Variants in GPC6 observed in about 807,000 individuals in gnomAD.
The protein encoded by GPC6 is glypican 6, also known as glypican-6.
A neutral mutation model predicts 55.2 loss-of-function variants in GPC6; 14 were observed. The observed-to-expected ratio is 0.25, with a 90% CI of 0.17 to 0.40. GPC6 has a LOEUF of 0.40. Among genes scored for constraint, GPC6 ranks in the 10% least tolerant of loss-of-function variants. The probability of loss-of-function intolerance (pLI) is 1.00; values close to 1 mark genes in which losing one functional copy is unlikely to be tolerated. For synonymous variants in GPC6, 278 were observed against 259.6 expected (o/e 1.07, Z -0.68); for missense variants, 641 against 708.5 (o/e 0.90, Z 1.08).
chr13:93,587,078 T>TTGCTTGCAC (rs1320357734), intron 2 of GPC6, among the ~76,000 whole-genome samples: 1 of 152,210 alleles, frequency 6.6e-6, no homozygotes, highest in Non-Finnish European at 1.5e-5. Flanking sequence ...GTGATTTAAA[T>TTGCTTGCAC]TGCTTGCACT....
At chr13:93,606,867 C>A (rs551324851) in intron 2 of GPC6, among the ~76,000 whole-genome samples, 1 of 152,236 alleles carries the variant, frequency 6.6e-6, no homozygotes, top group East Asian at 1.9e-4. Flanking sequence ...CTCTAAATGA[C>A]CCATTTTACA....
At chr13:93,438,461 G>T (rs1877656054) in intron 1 of GPC6, among the ~76,000 whole-genome samples, 1 of 152,118 alleles carries the variant, frequency 6.6e-6, no homozygotes, top group Non-Finnish European at 1.5e-5. Context: ...ACAGGAGTTT[G>T]GAAGAAGTTG....
chr13:93,661,890 T>A (rs1880936541), intron 2 of GPC6, among the ~76,000 whole-genome samples: 1 of 152,264 alleles, frequency 6.6e-6, no homozygotes, highest in South Asian at 2.1e-4. Context: ...TGAGGGGCAC[T>A]ATATGTTTCA....
At chr13:94,144,283 T>C (rs910813633) in intron 4 of GPC6, among the ~76,000 whole-genome samples, 5 of 152,038 alleles carry the variant, frequency 3.3e-5, no homozygotes, top group African/African-American at 1.2e-4. Context: ...AGTCATTATC[T>C]TTTTCCAATT....
chr13:93,576,035 A>T (rs1324911593), intron 2 of GPC6, among the ~76,000 whole-genome samples: 1 of 152,116 alleles, frequency 6.6e-6, no homozygotes, highest in Non-Finnish European at 1.5e-5. Context: ...TTATTTTTGG[A>T]ATCAAGACTT....
rs1393292861 is a variant in GPC6 at position 94,078,658 on chromosome 13, A to G, written c.877+50764A>G. ...GATGTCCTAGAAAGAAAATGAATAA[A>G]TTTCTGGATACATACAACCTACCGA... On this transcript the variant is annotated intron_variant, in intron 4 of 8. Transcript: ENST00000377047. Among the ~76,000 whole-genome samples, 3 of 151,946 alleles carry G rather than the reference A, an allele frequency of 2.0e-5. No individual in the cohort carries two copies. The East Asian group carries it at 5.8e-4, about 29-fold the overall frequency.
At chr13:94,245,414 T>G (rs557928867) in intron 4 of GPC6, among the ~76,000 whole-genome samples, 23 of 151,314 alleles carry the variant, frequency 1.5e-4, no homozygotes, top group African/African-American at 5.3e-4. Context: ...AAAAAAAAAT[T>G]TAAAAGCTAG....
rs575821539 is a variant in GPC6 at position 94,034,200 on chromosome 13, AGAAGGAAGGAAGGAAG to A, written c.877+6342_877+6357del. ...ACTACTTGCTGAGAGAAAGAAAGAA[AGAAGGAAGGAAGGAAG>A]GAAGGAAGGAAGGAAGGAAGGAAGG... On this transcript the variant is annotated intron_variant, in intron 4 of 8. Coordinates refer to ENST00000377047, the MANE Select transcript of GPC6 (RefSeq NM_005708.5). Among the ~76,000 whole-genome samples the A allele has an allele frequency of 1.5e-3, 108 of 72,730 alleles. 1 individual carries two copies. The highest frequency in any genetic ancestry group is 3.2e-3 in the African/African-American group (94 of 29,472). 47.7% of individuals were successfully genotyped at this position (72,730 alleles called of 152,430 possible).
chr13:93,611,488 G>C (rs758276820), intron 2 of GPC6, among the ~76,000 whole-genome samples: 3 of 152,038 alleles, frequency 2.0e-5, no homozygotes, highest in African/African-American at 4.8e-5. Context: ...TCAGTACAGA[G>C]CCATAAATTA....
chr13:93,377,508 G>T (rs1457965840), intron 1 of GPC6, among the ~76,000 whole-genome samples: 1 of 152,190 alleles, frequency 6.6e-6, no homozygotes, highest in Non-Finnish European at 1.5e-5. Context: ...AAAGGTTCAG[G>T]GTGGAAAGGA....
At chr13:93,816,996 C>T (rs1886876320) in intron 2 of GPC6, among the ~76,000 whole-genome samples, 1 of 152,172 alleles carries the variant, frequency 6.6e-6, no homozygotes, top group Admixed American at 6.5e-5. Context: ...ATTGTGCCTA[C>T]TCACAATTGT....
chr13:93,782,330 C>T (rs1397301653), intron 2 of GPC6, among the ~76,000 whole-genome samples: 3 of 152,120 alleles, frequency 2.0e-5, no homozygotes, highest in South Asian at 2.1e-4. Flanking sequence ...ATCCATTCAT[C>T]GTTACTAGAC....
chr13:93,471,683 G>T (rs1220264724), intron 1 of GPC6, among the ~76,000 whole-genome samples: 1 of 136,684 alleles, frequency 7.3e-6, no homozygotes, highest in Non-Finnish European at 1.6e-5. Flanking sequence ...TGTTTAATGG[G>T]AATTTTATGT....
At chr13:94,169,726 G>A (rs1888492857) in intron 4 of GPC6, among the ~76,000 whole-genome samples, 1 of 151,954 alleles carries the variant, frequency 6.6e-6, no homozygotes, top group South Asian at 2.1e-4. Context: ...TGGTTGATTG[G>A]GCTAAGGGTC....
At chr13:93,536,649 C>A (rs1277315568) in intron 1 of GPC6, among the ~76,000 whole-genome samples, 2 of 152,108 alleles carry the variant, frequency 1.3e-5, no homozygotes, top group Non-Finnish European at 2.9e-5. Context: ...TTGTTTCAAC[C>A]TTTTGGTTAT....
chr13:93,523,264 A>G (rs1166865008), intron 1 of GPC6, among the ~76,000 whole-genome samples: 3 of 150,492 alleles, frequency 2.0e-5, no homozygotes, highest in Non-Finnish European at 4.4e-5. Flanking sequence ...TATGGATAAT[A>G]TTGTGTATAT....
chr13:94,269,493 A>C (rs1891924657), intron 4 of GPC6, among the ~76,000 whole-genome samples: 1 of 152,196 alleles, frequency 6.6e-6, no homozygotes, highest in Non-Finnish European at 1.5e-5. Flanking sequence ...CTAGAAGTAA[A>C]GGTCAAGTAT....
intron 6 of GPC6, among the ~76,000 whole-genome samples, chr13:94,349,736 C>G (rs1594194748): frequency 6.6e-6 from 1 of 152,152 alleles, no homozygotes; most frequent in African/African-American, 2.4e-5. Flanking sequence ...AACTCAAAAG[C>G]CACCTCATCC....
At chr13:93,347,249 C>A (rs1345243711) in intron 1 of GPC6, among the ~76,000 whole-genome samples, 1 of 152,050 alleles carries the variant, frequency 6.6e-6, no homozygotes, top group Non-Finnish European at 1.5e-5. Context: ...AATAAACGGT[C>A]TAAGTTTGGG....
Sources: gnomAD v4.1 joint callset for allele counts (sites outside exome capture counted in the v4.1 genomes callset) on GRCh38, gnomAD v4.1.1 for gene constraint, MANE v1.5 for transcripts, NCBI Gene and HGNC (gene_info 2026-07-23, HGNC 2026-07-21) for gene names.